The following SNTG1 variants were observed in gnomAD, a reference collection of about 807,000 sequenced individuals.
SNTG1 encodes syntrophin gamma 1.
A neutral mutation model predicts 74.7 loss-of-function variants in SNTG1; 39 were observed. The ratio of observed to expected loss-of-function variants is 0.52; its 90% CI spans 0.40 to 0.68. The LOEUF is 0.68. SNTG1 is among the 30% of genes least tolerant of loss of function. The pLI is 0.00. For missense variants in SNTG1, 685 were observed against 609.5 expected (o/e 1.12, Z -1.30); for synonymous variants, 254 against 217.1 (o/e 1.17, Z -1.49).
chr8:50,159,557 A>C (rs9298279), intron 1 of SNTG1, among the ~76,000 whole-genome samples: 66,044 of 152,044 alleles, frequency 0.43, 18,064 homozygotes, highest in African/African-American at 0.78. Flanking sequence ...TTTTGGTCAA[A>C]GGAAAAAGCA....
intron 2 of SNTG1, among the ~76,000 whole-genome samples, chr8:50,318,820 A>T (rs553907349): frequency 6.6e-6 from 1 of 152,268 alleles, no homozygotes; most frequent in Admixed American, 6.5e-5. Context: ...CCATCCTATC[A>T]TCAACCTTCT....
chr8:50,663,814 C>A (rs1309873082), intron 15 of SNTG1, among the ~76,000 whole-genome samples: 3 of 152,098 alleles, frequency 2.0e-5, no homozygotes, highest in Admixed American at 6.5e-5. Flanking sequence ...AGGAGATGAT[C>A]CTACTTCCTA....
chr8:49,966,653 C>T (rs963518597), intron 1 of SNTG1, among the ~76,000 whole-genome samples: 2 of 152,088 alleles, frequency 1.3e-5, no homozygotes, highest in Non-Finnish European at 2.9e-5. Context: ...CCTTGGCCTC[C>T]CAAAGTGCTG....
chr8:50,484,145 TTTCTTTCCTTCC>T (rs1284095428), intron 8 of SNTG1, among the ~76,000 whole-genome samples: 84 of 61,162 alleles, frequency 1.4e-3, no homozygotes, highest in African/African-American at 3.6e-3. Context: ...TCCTTCTTTC[TTTCTTTCCTTCC>T]TTCCTTCCTT....
At chr8:50,514,885 A>G (rs923075000) in intron 9 of SNTG1, among the ~76,000 whole-genome samples, 2 of 152,036 alleles carry the variant, frequency 1.3e-5, no homozygotes, top group African/African-American at 4.8e-5. Context: ...AGTTTGCTTC[A>G]TATATTTGGA....
intron 2 of SNTG1, among the ~76,000 whole-genome samples, chr8:50,284,490 G>A (rs1243766968): frequency 1.3e-5 from 2 of 152,054 alleles, no homozygotes; most frequent in East Asian, 3.9e-4. Flanking sequence ...CCTTTCAGAT[G>A]GGTCCTTTAA....
chr8:50,137,281 G>C (rs1244910966), intron 1 of SNTG1, among the ~76,000 whole-genome samples: 1 of 152,162 alleles, frequency 6.6e-6, no homozygotes, highest in African/African-American at 2.4e-5. Context: ...ACACAGAACA[G>C]TGCTTTTAAT....
At chr8:50,066,616 C>A (rs1820920869) in intron 1 of SNTG1, among the ~76,000 whole-genome samples, 1 of 152,158 alleles carries the variant, frequency 6.6e-6, no homozygotes, top group African/African-American at 2.4e-5. Flanking sequence ...GAAATGAACG[C>A]AGACATTGAA....
chr8:50,467,820 T>C (rs1360287001), intron 8 of SNTG1, among the ~76,000 whole-genome samples: 1 of 151,962 alleles, frequency 6.6e-6, no homozygotes, highest in African/African-American at 2.4e-5. Context: ...TCACAAATAT[T>C]GATAAGATGT....
At chr8:50,210,889 C>A (rs1331067672) in intron 2 of SNTG1, among the ~76,000 whole-genome samples, 1 of 152,070 alleles carries the variant, frequency 6.6e-6, no homozygotes, top group African/African-American at 2.4e-5. Flanking sequence ...AGAAGCTAGA[C>A]CTAATTGTAC....
intron 8 of SNTG1, among the ~76,000 whole-genome samples, chr8:50,502,225 CTATT>C (rs897911849): frequency 4.7e-4 from 72 of 152,116 alleles, no homozygotes; most frequent in African/African-American, 1.6e-3. Flanking sequence ...TATGTAATGC[CTATT>C]TATTTTTTGC....
At chr8:50,405,136 AC>A (rs1340054036) in intron 4 of SNTG1, among the ~76,000 whole-genome samples, 1 of 152,086 alleles carries the variant, frequency 6.6e-6, no homozygotes, top group African/African-American at 2.4e-5. Context: ...TGTTTGAGTC[AC>A]CACTTTCAAT....
intron 4 of SNTG1, among the ~76,000 whole-genome samples, chr8:50,404,106 A>C (rs903412926): frequency 3.3e-5 from 5 of 152,254 alleles, no homozygotes; most frequent in Middle Eastern, 3.4e-3. Flanking sequence ...AATAAGGACA[A>C]TAGCCCAAGT....
chr8:50,047,836 G>C (rs142340622), intron 1 of SNTG1, among the ~76,000 whole-genome samples: 15 of 152,100 alleles, frequency 9.9e-5, no homozygotes, highest in African/African-American at 3.4e-4. Context: ...CAAAGAATCT[G>C]TATTTTACCA....
At chr8:50,144,873 T>A (rs544392166) in intron 1 of SNTG1, among the ~76,000 whole-genome samples, 1 of 152,284 alleles carries the variant, frequency 6.6e-6, no homozygotes, top group Non-Finnish European at 1.5e-5. Flanking sequence ...TTTGAGACAC[T>A]TATGAAAACT....
chr8:49,951,199 A>G (rs1379798232), intron 1 of SNTG1, among the ~76,000 whole-genome samples: 1 of 152,092 alleles, frequency 6.6e-6, no homozygotes, highest in East Asian at 1.9e-4. Context: ...AATTCATCAT[A>G]CTCTTATGCT....
chr8:50,286,382 G>A (rs2088785515), intron 2 of SNTG1, among the ~76,000 whole-genome samples: 1 of 152,194 alleles, frequency 6.6e-6, no homozygotes. Context: ...CCTGAAGTCA[G>A]TGTATGCTAC....
At position 50,119,774 on chromosome 8, in the gene SNTG1, G is replaced by T. The variant is rs1461358400; in HGVS notation, c.-102-52787G>T. The stretch of plus-strand genomic sequence containing the variant: ...ATCAGATGAGAAACTGAGGCATAGG[G>T]AAATTAAAGAAGTTGTTCAAAAACT... On this transcript the variant is annotated intron_variant, in intron 1 of 18. Transcript: ENST00000642720. 7.8e-5 allele frequency among the ~76,000 whole-genome samples: 11 copies of T among 141,366 alleles called. 2 individuals are homozygous for T. The highest frequency in any genetic ancestry group is 1.4e-4 in the Non-Finnish European group (9 of 63,578). 92.7% of individuals were successfully genotyped at this position (141,366 alleles called of 152,430 possible).
rs2081056822 is a variant in SNTG1 at position 50,123,478 on chromosome 8, CA to C, written c.-102-49078del. Among the ~76,000 whole-genome samples the C allele has an allele frequency of 1.4e-5, 2 of 141,424 alleles. 1 individual carries two copies. Among genetic ancestry groups the C allele is most frequent in the South Asian group, 5.3e-4 (2 of 3,756 alleles). 92.8% of individuals were successfully genotyped at this position (141,424 alleles called of 152,430 possible). ...AAATTATAGTTTTATTCACTGCTGC[CA>C]AAAATATAAAGAGATCAGGCATTTA... On this transcript the variant is annotated intron_variant, in intron 1 of 18. Coordinates refer to ENST00000642720, the MANE Select transcript of SNTG1 (RefSeq NM_018967.5).
Sources: gnomAD v4.1 joint callset for allele counts (sites outside exome capture counted in the v4.1 genomes callset) on GRCh38, gnomAD v4.1.1 for gene constraint, MANE v1.5 for transcripts, NCBI Gene and HGNC (gene_info 2026-07-23, HGNC 2026-07-21) for gene names.